The following CDC42BPA variants were observed in gnomAD, a reference collection of about 807,000 sequenced individuals.
CDC42BPA encodes the protein CDC42 binding protein kinase alpha.
CDC42BPA carries 80 observed loss-of-function variants against 223.5 expected under a neutral mutation model. The observed-to-expected ratio is 0.36, with a 90% CI of 0.30 to 0.43. CDC42BPA has a LOEUF of 0.43. Among genes scored for constraint, CDC42BPA ranks in the 20% least tolerant of loss-of-function variants. The pLI is 1.00. For synonymous variants in CDC42BPA, 694 were observed against 718.6 expected, an observed-to-expected ratio of 0.97 and a Z score of 0.55; for missense variants, 1,743 against 2,099.9, an observed-to-expected ratio of 0.83 and a Z score of 3.32.
At chr1:227,029,750 A>C (rs577517130) in intron 29 of CDC42BPA, among the ~76,000 whole-genome samples, 6 of 152,278 alleles carry the variant, frequency 3.9e-5, no homozygotes, top group Non-Finnish European at 7.4e-5. Context: ...CCTCCAAACA[A>C]ACACATTTTA....
chr1:227,092,632 T>C (rs1159720531), intron 15 of CDC42BPA, among the ~76,000 whole-genome samples: 1 of 152,216 alleles, frequency 6.6e-6, no homozygotes, highest in Non-Finnish European at 1.5e-5. Context: ...TGTTATCAAT[T>C]TGATTAACAA....
intron 1 of CDC42BPA, among the ~76,000 whole-genome samples, chr1:227,255,474 G>A (rs970583225): frequency 1.2e-4 from 18 of 152,006 alleles, no homozygotes; most frequent in Non-Finnish European, 2.5e-4. Flanking sequence ...ATCTGGAATT[G>A]ACACAACAGA....
chr1:227,193,707 A>C lies in CDC42BPA; in HGVS notation c.599+79T>G, dbSNP rs571851833. On this transcript the variant is annotated intron_variant, in intron 5 of 36. Coordinates refer to ENST00000366766, the MANE Select transcript of CDC42BPA (RefSeq NM_001394014.1). ...AAATGTATCCAAGACCATAATTAAT[A>C]AATCTGGCAAGAAATAGGCCTCTGT... is the stretch of plus-strand genomic sequence containing the variant. 1.6e-4 allele frequency: 187 copies of C among 1,140,082 alleles called. 3 individuals are homozygous for C. The South Asian group carries it at 3.4e-3, about 21-fold the overall frequency. 70.6% of individuals were successfully genotyped at this position (1,140,082 alleles called of 1,614,324 possible). A position where few individuals can be genotyped will look rare whatever the true frequency, so the allele number is the denominator to read the frequency against.
intron 2 of CDC42BPA, among the ~76,000 whole-genome samples, chr1:227,226,379 A>G (rs1572482249): frequency 6.6e-6 from 1 of 152,214 alleles, no homozygotes; most frequent in Non-Finnish European, 1.5e-5. Context: ...ATCTAGCTCT[A>G]GTATACTAGT....
At chr1:227,237,091 T>C (rs1285009877) in intron 2 of CDC42BPA, among the ~76,000 whole-genome samples, 1 of 150,938 alleles carries the variant, frequency 6.6e-6, no homozygotes, top group Non-Finnish European at 1.5e-5. Context: ...TTCTTTCCTA[T>C]GTTGCTTCAT....
chr1:227,158,538 G>C (rs1036774559), intron 6 of CDC42BPA, among the ~76,000 whole-genome samples: 3 of 152,140 alleles, frequency 2.0e-5, no homozygotes, highest in African/African-American at 7.2e-5. Flanking sequence ...TACACTCTGT[G>C]ATTGTAGGTT....
chr1:227,000,639 G>A (rs1662626597), intron 35 of CDC42BPA, among the ~76,000 whole-genome samples: 1 of 152,310 alleles, frequency 6.6e-6, no homozygotes, highest in South Asian at 2.1e-4. Flanking sequence ...GAAGGTGTGT[G>A]CTGGCCCACA....
Position 226,994,185 on chromosome 1 carries a change from A to G in CDC42BPA, c.*83T>C, listed in dbSNP as rs985690392. 4 of 1,401,228 alleles carry G rather than the reference A, an allele frequency of 2.9e-6. No homozygotes were observed. Among genetic ancestry groups the G allele is most frequent in the African/African-American group, 1.4e-5 (1 of 69,308 alleles). The allele number at this position is 1,401,228 out of a possible 1,614,324, so 86.8% of individuals were successfully genotyped here. On this transcript the variant is annotated 3_prime_UTR_variant, in exon 37 of 37. Coordinates refer to ENST00000366766, the MANE Select transcript of CDC42BPA (RefSeq NM_001394014.1). This position sits in a 1 kb window ranked among gnomAD's most constrained non-coding sequence, Gnocchi z 4.0. ...GCCCCTGGTGGCTTTCAGGCCGAGC[A>G]GGCGAGGTGGAGGGAAGAGATGAAA... is the stretch of plus-strand genomic sequence containing the variant.
At chr1:227,252,470 A>G (rs544777193) in intron 2 of CDC42BPA, among the ~76,000 whole-genome samples, 2 of 152,272 alleles carry the variant, frequency 1.3e-5, no homozygotes, top group East Asian at 3.9e-4. Flanking sequence ...TCAGGAAAAA[A>G]ATAATAACAA....
At chr1:227,030,546 C>T (rs1448786943) in intron 28 of CDC42BPA, 76 bp from the exon 29 acceptor site, 2 of 843,470 alleles carry the variant, frequency 2.4e-6, no homozygotes, top group East Asian at 5.3e-5. Context: ...ATGATAAGAA[C>T]ATTTGGTGCA....
chr1:227,239,494 G>C (rs576060240), intron 2 of CDC42BPA, among the ~76,000 whole-genome samples: 29 of 152,124 alleles, frequency 1.9e-4, no homozygotes, highest in Non-Finnish European at 3.1e-4. Context: ...TGTTTTGGGA[G>C]ATGAAGATTG....
chr1:227,105,605 C>T (rs545827545), intron 14 of CDC42BPA, among the ~76,000 whole-genome samples: 3 of 152,118 alleles, frequency 2.0e-5, no homozygotes, highest in East Asian at 1.9e-4. Flanking sequence ...CCTCCTGCTT[C>T]GGCCTCCCAA....
At chr1:227,153,726 A>G (rs1036671651) in intron 6 of CDC42BPA, among the ~76,000 whole-genome samples, 9 of 151,966 alleles carry the variant, frequency 5.9e-5, no homozygotes, top group African/African-American at 1.7e-4. Context: ...ATCATTAAAA[A>G]TTTGAATCAA....
At chr1:227,266,683 CA>C (rs781651693) in intron 1 of CDC42BPA, among the ~76,000 whole-genome samples, 1 of 152,180 alleles carries the variant, frequency 6.6e-6, no homozygotes, top group Non-Finnish European at 1.5e-5. Flanking sequence ...CACTTTTTCT[CA>C]ATTAGGCTAT....
intron 16 of CDC42BPA, among the ~76,000 whole-genome samples, chr1:227,082,932 C>A (rs932756966): frequency 6.6e-6 from 1 of 151,908 alleles, no homozygotes; most frequent in Non-Finnish European, 1.5e-5. Context: ...AGTTTCATGC[C>A]TTTGAACGTA....
chr1:227,122,434 G>C (rs532961641), intron 11 of CDC42BPA, among the ~76,000 whole-genome samples: 11 of 152,260 alleles, frequency 7.2e-5, no homozygotes, highest in African/African-American at 2.6e-4. Context: ...TGTAACAGAT[G>C]ATATCACAGG....
chr1:227,132,421 G>A (rs572257130), intron 10 of CDC42BPA, among the ~76,000 whole-genome samples: 3 of 149,890 alleles, frequency 2.0e-5, no homozygotes, highest in East Asian at 2.0e-4. Context: ...ACGGAGTCTC[G>A]TTCACTCAGT....
chr1:227,317,876 T>C lies in CDC42BPA; in HGVS notation c.-694A>G, dbSNP rs1694651566. The C allele has an allele frequency of 2.5e-6, 1 of 398,624 alleles. No individual in the cohort carries two copies. Among genetic ancestry groups the C allele is most frequent in the Non-Finnish European group, 4.4e-6 (1 of 226,122 alleles). The allele number at this position is 398,624 out of a possible 1,614,324, so 24.7% of individuals were successfully genotyped here. On this transcript the variant is annotated 5_prime_UTR_variant, in exon 1 of 37. Coordinates refer to ENST00000366766, the MANE Select transcript of CDC42BPA (RefSeq NM_001394014.1). ...CGAGGTCCTTCTTTCTTTAAGGCTT[T>C]GCAGTCAGTCCTATTTTCAACGGAT...
At chr1:227,143,857 C>T (rs1660166060) in intron 8 of CDC42BPA, among the ~76,000 whole-genome samples, 1 of 152,134 alleles carries the variant, frequency 6.6e-6, no homozygotes, top group Non-Finnish European at 1.5e-5. Flanking sequence ...GTGTTCAAGG[C>T]AACTATATAG....
Sources: gnomAD v4.1 joint callset for allele counts (sites outside exome capture counted in the v4.1 genomes callset) on GRCh38, gnomAD v4.1.1 for gene constraint, Gnocchi (gnomAD v3.1) non-coding constraint, MANE v1.5 for transcripts, NCBI Gene and HGNC (gene_info 2026-07-23, HGNC 2026-07-21) for gene names.